PCDHA4: variants seen among roughly 807,000 people sequenced by gnomAD.
PCDHA4 encodes the protein protocadherin alpha 4, also known as protocadherin alpha-4.
In PCDHA4, 49 loss-of-function variants were observed where a neutral mutation model predicts 61.4. The observed-to-expected ratio is 0.80, with a 90% CI of 0.63 to 1.01. PCDHA4 has a LOEUF of 1.01. Ranked by LOEUF, PCDHA4 falls within the 50% of genes least tolerant of loss-of-function variation. PCDHA4 has a pLI of 0.00. For synonymous variants in PCDHA4, 590 were observed against 550.3 expected (o/e 1.07, Z -1.01); for missense variants, 1,254 against 1,235.8 (o/e 1.01, Z -0.22).
At chr5:140,913,243 G>T (rs1386908951) in intron 1 of PCDHA4, among the ~76,000 whole-genome samples, 1 of 152,112 alleles carries the variant, frequency 6.6e-6, no homozygotes, top group Non-Finnish European at 1.5e-5. Flanking sequence ...GAGACTTTTT[G>T]TTACAACTTT....
At position 140,982,295 on chromosome 5, in the gene PCDHA4, G is replaced by A. The variant is rs1047633434; in HGVS notation, c.2445-180G>A. ...AGTATAGCAGGCAATAAGTAAGTCA[G>A]CAATGCTTCTGCAGTTTATGCAGGG... On this transcript the variant is annotated intron_variant, in intron 2 of 3. Coordinates refer to ENST00000530339, the MANE Select transcript of PCDHA4 (RefSeq NM_018907.4). The A allele has an allele frequency of 3.4e-6, 4 of 1,160,172 alleles. No homozygotes were observed. In the Admixed American group the frequency reaches 8.4e-5, roughly 25 times the overall value. 71.9% of individuals were successfully genotyped at this position (1,160,172 alleles called of 1,614,324 possible).
Position 140,818,481 on chromosome 5 carries a change from C to T in PCDHA4, c.2385+8909C>T, listed in dbSNP as rs2150101403. ...AAACTTTCCTCCCACAAAGTTTTCA[C>T]TCACTTGATCTTGGATTTTAAAATC... On this transcript the variant is annotated intron_variant, in intron 1 of 3. Coordinates refer to ENST00000530339, the MANE Select transcript of PCDHA4 (RefSeq NM_018907.4). 3.2e-4 allele frequency among the ~76,000 whole-genome samples: 49 copies of T among 152,332 alleles called. 1 individual carries two copies. Among genetic ancestry groups the T allele is most frequent in the South Asian group, 2.7e-3 (13 of 4,828 alleles).
In PCDHA4 at chr5:141,011,894, T is replaced by G. The variant is rs1303053966; in HGVS notation, c.*1957T>G. 6.5e-6 allele frequency: 1 copy of G among 153,306 alleles called. No homozygotes were observed. The highest frequency in any genetic ancestry group is 1.5e-5 in the Non-Finnish European group (1 of 68,044). The allele number at this position is 153,306 out of a possible 1,614,324, so 9.5% of individuals were successfully genotyped here. ...AATTTAGAAGTTTGATTAATTATAT[T>G]ATCTATTTAGGCATTAATATAAAAG... On this transcript the variant is annotated 3_prime_UTR_variant, in exon 4 of 4. Transcript: ENST00000530339.
At chr5:140,866,412 A>C (rs1308561363) in intron 1 of PCDHA4, 1 of 152,116 alleles carries the variant, frequency 6.6e-6, no homozygotes, top group Non-Finnish European at 1.5e-5. Context: ...AAAATCTTCA[A>C]ATGTGTGTAG....
intron 1 of PCDHA4, among the ~76,000 whole-genome samples, chr5:140,886,356 T>C (rs1457178977): frequency 1.3e-5 from 2 of 152,194 alleles, no homozygotes; most frequent in South Asian, 2.1e-4. Flanking sequence ...GTTTGTTACA[T>C]AGGTGTACAT....
intron 3 of PCDHA4, among the ~76,000 whole-genome samples, chr5:140,992,231 G>C (rs1234271245): frequency 1.3e-5 from 2 of 152,176 alleles, no homozygotes; most frequent in African/African-American, 4.8e-5. Context: ...CCTGGGAAGA[G>C]TAAGGAAGGA....
intron 1 of PCDHA4, among the ~76,000 whole-genome samples, chr5:140,897,927 C>T (rs2066407931): frequency 6.6e-6 from 1 of 152,196 alleles, no homozygotes. Context: ...ATTTGCGTTT[C>T]TCTGATGGCC....
rs2080357826 is a variant in PCDHA4 at position 140,921,739 on chromosome 5, G to T, written c.2386-57210G>T. The stretch of plus-strand genomic sequence containing the variant: ...CGAATTACTCCCATAAAAATTATAA[G>T]CATAACAGGACACTTCTTGGCTACT... On this transcript the variant is annotated intron_variant, in intron 1 of 3. Transcript: ENST00000530339. Among the ~76,000 whole-genome samples, 7 of 152,134 alleles carry T rather than the reference G, an allele frequency of 4.6e-5. No individual in the cohort carries two copies. In the South Asian group the frequency reaches 1.5e-3, roughly 32 times the overall value.
chr5:140,881,398 A>G, intron 1 of PCDHA4: 1 of 975,546 alleles, frequency 1.0e-6, no homozygotes, highest in Non-Finnish European at 1.2e-6. Context: ...GTTAAATTCT[A>G]TTAAATCAAT....
chr5:140,814,461 TGA>T (rs1462273467), intron 1 of PCDHA4: 22 of 151,788 alleles, frequency 1.4e-4, no homozygotes, highest in Non-Finnish European at 2.4e-4. Context: ...TTTTTTTTTT[TGA>T]GTTAATGTAT....
intron 1 of PCDHA4, chr5:140,822,208 A>G (rs949337780): frequency 1.2e-6 from 2 of 1,614,272 alleles, no homozygotes; most frequent in Non-Finnish European, 8.5e-7. Context: ...TTTAGAGTCA[A>G]GAATGCCAGA....
At chr5:140,924,903 AAATAAAAT>A (rs1318660055) in intron 1 of PCDHA4, among the ~76,000 whole-genome samples, 2 of 54,856 alleles carry the variant, frequency 3.6e-5, no homozygotes, top group African/African-American at 8.4e-5. Context: ...TCAAAAAAAA[AAATAAAAT>A]AAAATAAAAT....
chr5:140,947,625 T>C (rs2094153389), intron 1 of PCDHA4, among the ~76,000 whole-genome samples: 1 of 151,648 alleles, frequency 6.6e-6, no homozygotes, highest in Non-Finnish European at 1.5e-5. Context: ...CAATATTGAG[T>C]CATCAGATCG....
chr5:141,006,157 A>G (rs2098258108), intron 3 of PCDHA4, among the ~76,000 whole-genome samples: 1 of 150,182 alleles, frequency 6.7e-6, no homozygotes, highest in Non-Finnish European at 1.5e-5. Context: ...GGAGTGATAT[A>G]ATCTGATTTA....
rs2055991111 is a variant in PCDHA4 at position 140,875,957 on chromosome 5, T to C, written c.2385+66385T>C. 1.1e-5 allele frequency: 17 copies of C among 1,614,050 alleles called. No individual in the cohort carries two copies. The highest frequency in any genetic ancestry group is 1.4e-5 in the Non-Finnish European group (16 of 1,180,000). ...CTAGAGGGCGCTTCTGATGCGGATA[T>C]CGGCGTAAACTCTCTTTTGACCTAT... On this transcript the variant is annotated intron_variant, in intron 1 of 3. Coordinates refer to ENST00000530339, the MANE Select transcript of PCDHA4 (RefSeq NM_018907.4).
intron 1 of PCDHA4, chr5:140,821,891 A>T (rs2150111674): frequency 6.2e-7 from 1 of 1,614,232 alleles, no homozygotes; most frequent in African/African-American, 1.3e-5. Context: ...GAGGAAGCCA[A>T]ACACGGAACC....
chr5:140,952,041 T>C (rs1202542852), intron 1 of PCDHA4, among the ~76,000 whole-genome samples: 1 of 152,108 alleles, frequency 6.6e-6, no homozygotes, highest in African/African-American at 2.4e-5. Flanking sequence ...AGTAGGGCAG[T>C]TATTAAATCT....
At chr5:140,856,441 G>C in intron 1 of PCDHA4, 1 of 1,598,410 alleles carries the variant, frequency 6.3e-7, no homozygotes. Flanking sequence ...ACCCGCCCAG[G>C]TTCTCCGTAA....
chr5:140,829,453 G>A, intron 1 of PCDHA4: 1 of 1,613,920 alleles, frequency 6.2e-7, no homozygotes. Flanking sequence ...ATGCTCCGGC[G>A]TTCGCGCAGC....
Sources: allele counts gnomAD v4.1 joint callset (sites outside exome capture counted in the v4.1 genomes callset), GRCh38; gene constraint gnomAD v4.1.1; transcripts MANE v1.5; gene names NCBI Gene and HGNC (gene_info 2026-07-23, HGNC 2026-07-21).